Variants in PTPN4 observed in about 807,000 individuals in gnomAD.
PTPN4 encodes the protein tyrosine-protein phosphatase non-receptor type 4.
PTPN4 carries 49 observed loss-of-function variants against 135.5 expected under a neutral mutation model. The ratio of observed to expected loss-of-function variants is 0.36; its 90% CI spans 0.29 to 0.46. PTPN4 has a LOEUF of 0.46. Ranked by LOEUF, PTPN4 falls within the 20% of genes least tolerant of loss-of-function variation. The probability of loss-of-function intolerance (pLI) is 1.00; values close to 1 mark genes in which losing one functional copy is unlikely to be tolerated. For synonymous variants in PTPN4, 333 were observed against 369.9 expected, an observed-to-expected ratio of 0.90 and a Z score of 1.14; for missense variants, 860 against 1,101.0, an observed-to-expected ratio of 0.78 and a Z score of 3.10.
chr2:119,893,669 G>T (rs1678275287), intron 9 of PTPN4, among the ~76,000 whole-genome samples: 1 of 152,116 alleles, frequency 6.6e-6, no homozygotes, highest in Non-Finnish European at 1.5e-5. Flanking sequence ...GAAGAACCAG[G>T]AAAGAGAACC....
chr2:119,880,763 A>G (rs1277383358), intron 5 of PTPN4, among the ~76,000 whole-genome samples: 1 of 152,098 alleles, frequency 6.6e-6, no homozygotes, highest in Non-Finnish European at 1.5e-5. Context: ...GGATTGAGTA[A>G]ATAGATTATA....
chr2:119,893,397 C>G (rs1558756873), intron 9 of PTPN4, among the ~76,000 whole-genome samples: 1 of 152,056 alleles, frequency 6.6e-6, no homozygotes, highest in Non-Finnish European at 1.5e-5. Flanking sequence ...TTAGTAGAAG[C>G]ATAAGTCAAG....
At chr2:119,795,447 C>T (rs1691236588) in intron 1 of PTPN4, among the ~76,000 whole-genome samples, 1 of 152,238 alleles carries the variant, frequency 6.6e-6, no homozygotes, top group South Asian at 2.1e-4. Flanking sequence ...TTCTCCTGTG[C>T]TCGTTGGCAC....
rs758602206 is a variant in PTPN4 at position 119,926,686 on chromosome 2, T to C, written c.1070+20T>C. On this transcript the variant is annotated intron_variant, in intron 13 of 26. Transcript: ENST00000263708. Reference sequence around the variant, plus strand: ...TGCAAGGTAAGCCAAATCTGTTTCATTGTTTGAATTTTTTTAAAAAGATGG... The same window carrying C: ...TGCAAGGTAAGCCAAATCTGTTTCACTGTTTGAATTTTTTTAAAAAGATGG... 1 of 1,544,068 alleles carries C rather than the reference T, an allele frequency of 6.5e-7. No individual in the cohort carries two copies. Among genetic ancestry groups the C allele is most frequent in the Non-Finnish European group, 8.8e-7 (1 of 1,137,110 alleles).
intron 1 of PTPN4, among the ~76,000 whole-genome samples, chr2:119,795,985 A>T (rs538316779): frequency 5.3e-5 from 8 of 152,322 alleles, no homozygotes; most frequent in African/African-American, 1.4e-4. Flanking sequence ...AGCCTTGCGA[A>T]TCCTGACTGC....
Position 119,844,310 on chromosome 2 carries a change from C to T in PTPN4, c.139-18226C>T, listed in dbSNP as rs1452154273. ...CCCCCCACCTCCCTCCCGGACGGGG[C>T]GGCTGGCCGGACGGGGCGGCTGGCC... On this transcript the variant is annotated intron_variant, in intron 2 of 26. Coordinates refer to ENST00000263708, the MANE Select transcript of PTPN4 (RefSeq NM_002830.4). 2.8e-3 allele frequency among the ~76,000 whole-genome samples: 383 copies of T among 136,724 alleles called. 4 individuals are homozygous for T. The highest frequency in any genetic ancestry group is 3.2e-3 in the Non-Finnish European group (198 of 62,446). The allele number at this position is 136,724 out of a possible 152,430, so 89.7% of individuals were successfully genotyped here.
chr2:119,879,524 T>G (rs539232953), intron 5 of PTPN4, among the ~76,000 whole-genome samples: 1 of 152,352 alleles, frequency 6.6e-6, no homozygotes, highest in Non-Finnish European at 1.5e-5. Context: ...TTAGAATCAT[T>G]TGGGGGAGCT....
intron 3 of PTPN4, among the ~76,000 whole-genome samples, chr2:119,876,951 T>C (rs1050687514): frequency 7.3e-5 from 10 of 136,442 alleles, no homozygotes; most frequent in African/African-American, 2.2e-4. Context: ...GCGTGAAGGG[T>C]GAAGAGAATT....
At chr2:119,922,623 A>G (rs969974414) in intron 12 of PTPN4, among the ~76,000 whole-genome samples, 4 of 152,176 alleles carry the variant, frequency 2.6e-5, no homozygotes, top group Non-Finnish European at 5.9e-5. Context: ...TATGAGGGAT[A>G]TATCTCTGTA....
intron 2 of PTPN4, among the ~76,000 whole-genome samples, chr2:119,828,847 A>G (rs1677181636): frequency 6.6e-6 from 1 of 152,222 alleles, no homozygotes; most frequent in Non-Finnish European, 1.5e-5. Context: ...GCTCTACAAT[A>G]AAAAGTATAG....
chr2:119,962,575 T>C (rs1679382085), intron 23 of PTPN4, 41 bp from the exon 24 acceptor site: 1 of 1,096,630 alleles, frequency 9.1e-7, no homozygotes, highest in Middle Eastern at 3.4e-4. Context: ...TGAATCCATA[T>C]GTATATAATT....
At chr2:119,889,790 T>A (rs1395139050) in intron 9 of PTPN4, among the ~76,000 whole-genome samples, 1 of 152,216 alleles carries the variant, frequency 6.6e-6, no homozygotes, top group African/African-American at 2.4e-5. Context: ...GCCTTTGTTG[T>A]ATCCCACAGG....
chr2:119,898,041 T>G (rs1024499623), intron 9 of PTPN4, among the ~76,000 whole-genome samples: 5 of 152,204 alleles, frequency 3.3e-5, no homozygotes, highest in Admixed American at 1.3e-4. Context: ...ATAAAGCATG[T>G]TAGTGTGTTT....
chr2:119,874,508 C>T (rs999276450), intron 3 of PTPN4, among the ~76,000 whole-genome samples: 1 of 152,112 alleles, frequency 6.6e-6, no homozygotes, highest in Non-Finnish European at 1.5e-5. Flanking sequence ...TGAAAGCAGA[C>T]AAACACAAAA....
intron 1 of PTPN4, among the ~76,000 whole-genome samples, chr2:119,779,285 C>G (rs1468879912): frequency 1.3e-5 from 2 of 152,160 alleles, no homozygotes; most frequent in African/African-American, 4.8e-5. Flanking sequence ...GGTAGCAAAG[C>G]AGATGGTCCA....
intron 1 of PTPN4, among the ~76,000 whole-genome samples, chr2:119,766,435 TGCGCATGTGC>T (rs1220937373): frequency 8.8e-5 from 11 of 124,460 alleles, no homozygotes; most frequent in African/African-American, 1.4e-4. Context: ...CACTGGTGTA[TGCGCATGTGC>T]GCGCGTGTGT....
intron 9 of PTPN4, among the ~76,000 whole-genome samples, chr2:119,897,533 C>A (rs1678342754): frequency 6.6e-6 from 1 of 152,056 alleles, no homozygotes; most frequent in South Asian, 2.1e-4. Context: ...ATTCACATAT[C>A]CTATAATTAT....
chr2:119,971,903 C>A (rs1163533164), intron 26 of PTPN4, among the ~76,000 whole-genome samples: 1 of 152,218 alleles, frequency 6.6e-6, no homozygotes, highest in Non-Finnish European at 1.5e-5. Flanking sequence ...AATGACTGTT[C>A]TTTCCCATTG....
rs998462893 is a variant in PTPN4, at chr2:119,978,012, G to A, written c.*942G>A. On this transcript the variant is annotated 3_prime_UTR_variant, in exon 27 of 27. Coordinates refer to ENST00000263708, the MANE Select transcript of PTPN4 (RefSeq NM_002830.4). ...AAATTCTGTTTCTTACTCAGTACTCGTGATTTGCTATAAGAAGCAAAGATA... is the reference window on the plus strand; with the variant it reads ...AAATTCTGTTTCTTACTCAGTACTCATGATTTGCTATAAGAAGCAAAGATA... The A allele has an allele frequency of 8.5e-5, 13 of 152,148 alleles. No individual in the cohort carries two copies. The highest frequency in any genetic ancestry group is 3.8e-4 in the East Asian group (2 of 5,202). The allele number at this position is 152,148 out of a possible 1,614,324, so 9.4% of individuals were successfully genotyped here.
Sources: allele counts gnomAD v4.1 joint callset (sites outside exome capture counted in the v4.1 genomes callset), GRCh38; gene constraint gnomAD v4.1.1; transcripts MANE v1.5; gene names NCBI Gene and HGNC (gene_info 2026-07-23, HGNC 2026-07-21).